The following AFG2A variants were observed in gnomAD, a reference collection of about 807,000 sequenced individuals.
AFG2A encodes AAA ATPase AFG2A, also known as ATPase family gene 2 protein homolog A.
chr4:123,148,365 A>G, the AFG2A span, among the ~76,000 whole-genome samples: 3 of 152,236 alleles, frequency 2.0e-5, no homozygotes, highest in Non-Finnish European at 2.9e-5. Context: ...TTAAAATTAA[A>G]CAATGAAACT....
chr4:123,298,720 TAAAG>T, the AFG2A span, among the ~76,000 whole-genome samples: 3 of 152,164 alleles, frequency 2.0e-5, no homozygotes, highest in Admixed American at 1.3e-4. Context: ...GGATTTTTCT[TAAAG>T]AAAACAAATC....
At chr4:123,310,923 T>G in the AFG2A span, among the ~76,000 whole-genome samples, 3 of 152,180 alleles carry the variant, frequency 2.0e-5, no homozygotes, top group Admixed American at 2.0e-4. Context: ...AGGCAGTGTT[T>G]CTCCCGCCCT....
At chr4:123,181,476 G>A in the AFG2A span, among the ~76,000 whole-genome samples, 2 of 152,196 alleles carry the variant, frequency 1.3e-5, no homozygotes, top group African/African-American at 4.8e-5. Flanking sequence ...AGTTGGACAT[G>A]GTCACATGCA....
chr4:123,306,316 G>T, the AFG2A span, among the ~76,000 whole-genome samples: 11 of 152,124 alleles, frequency 7.2e-5, no homozygotes, highest in East Asian at 1.9e-3. Context: ...ATATTCGATC[G>T]TCAGATCTAT....
chr4:122,923,094 G>A, the AFG2A span: 1 of 1,608,730 alleles, frequency 6.2e-7, no homozygotes, highest in Non-Finnish European at 8.5e-7. Flanking sequence ...GTTGAAGCGC[G>A]CACATTGAGT....
the AFG2A span, among the ~76,000 whole-genome samples, chr4:122,963,836 T>G: frequency 6.6e-6 from 1 of 152,164 alleles, no homozygotes; most frequent in African/African-American, 2.4e-5. Context: ...TTTAGAGTTT[T>G]TATGCTTTCC....
At chr4:123,102,921 G>A in the AFG2A span, among the ~76,000 whole-genome samples, 1,126 of 151,198 alleles carry the variant, frequency 7.4e-3, 6 homozygotes, top group Middle Eastern at 0.044. Context: ...AAATTTTAAT[G>A]CATTAAATTC....
the AFG2A span, among the ~76,000 whole-genome samples, chr4:122,988,767 T>C: frequency 1.7e-3 from 260 of 152,316 alleles, 7 homozygotes; most frequent in East Asian, 0.04. Context: ...GTACACTGGT[T>C]CGCTTAATGT....
chr4:123,284,811 C>G, the AFG2A span, among the ~76,000 whole-genome samples: 110,686 of 152,080 alleles, frequency 0.73, 41,358 homozygotes, highest in Non-Finnish European at 0.81. Context: ...GATTCTCTGT[C>G]AGCTGCTACT....
At chr4:123,287,199 A>G in the AFG2A span, among the ~76,000 whole-genome samples, 1 of 152,224 alleles carries the variant, frequency 6.6e-6, no homozygotes, top group Non-Finnish European at 1.5e-5. Flanking sequence ...CTAGTATCAC[A>G]GCTGAGAGCT....
chr4:123,095,773 A>G, the AFG2A span, among the ~76,000 whole-genome samples: 1 of 152,156 alleles, frequency 6.6e-6, no homozygotes, highest in Non-Finnish European at 1.5e-5. Context: ...TGGCTACATT[A>G]AATCCAGGCA....
At chr4:123,150,479 T>G in the AFG2A span, among the ~76,000 whole-genome samples, 409 of 152,102 alleles carry the variant, frequency 2.7e-3, 2 homozygotes, top group Non-Finnish European at 4.8e-3. Flanking sequence ...TATACACCAA[T>G]AATAAACAGA....
the AFG2A span, among the ~76,000 whole-genome samples, chr4:123,219,608 A>G: frequency 1.3e-5 from 2 of 152,212 alleles, no homozygotes; most frequent in Non-Finnish European, 2.9e-5. Flanking sequence ...CCTGTGAATA[A>G]TATGTGTGCT....
At chr4:123,227,492 T>TGTTC in the AFG2A span, among the ~76,000 whole-genome samples, 2 of 149,892 alleles carry the variant, frequency 1.3e-5, no homozygotes, top group Non-Finnish European at 3.0e-5. Context: ...CAGGAGCAGG[T>TGTTC]TGTTCAGTTT....
the AFG2A span, among the ~76,000 whole-genome samples, chr4:123,183,821 A>G: frequency 9.9e-5 from 15 of 152,224 alleles, no homozygotes; most frequent in African/African-American, 3.4e-4. Flanking sequence ...ATGTGGTGGC[A>G]TGATCTCAGC....
chr4:123,032,471 C>T, the AFG2A span, among the ~76,000 whole-genome samples: 2 of 152,178 alleles, frequency 1.3e-5, no homozygotes, highest in Admixed American at 1.3e-4. Flanking sequence ...CGGCTCACTG[C>T]AACCTCTGCC....
the AFG2A span, chr4:122,979,385 A>G: frequency 2.5e-6 from 4 of 1,613,676 alleles, 1 homozygote; most frequent in Middle Eastern, 3.3e-4. Context: ...GATGTCCCAA[A>G]TGTAAGTCAT....
the AFG2A span, among the ~76,000 whole-genome samples, chr4:122,996,552 G>T: frequency 6.6e-6 from 1 of 150,690 alleles, no homozygotes; most frequent in Non-Finnish European, 1.5e-5. Context: ...TAGCTAGGTA[G>T]ATAGCTAGGT....
chr4:123,192,422 C>A, the AFG2A span, among the ~76,000 whole-genome samples: 26 of 152,190 alleles, frequency 1.7e-4, no homozygotes, highest in Non-Finnish European at 3.7e-4. Flanking sequence ...ACAGTGAACA[C>A]ACTCATACAT....
Sources: gnomAD v4.1 joint callset for allele counts (sites outside exome capture counted in the v4.1 genomes callset) on GRCh38, gnomAD v4.1.1 for gene constraint, MANE v1.5 for transcripts, NCBI Gene and HGNC (gene_info 2026-07-23, HGNC 2026-07-21) for gene names.